The following PUDP variants were observed in gnomAD, a reference collection of about 807,000 sequenced individuals.
PUDP encodes the protein pseudouridine 5'-phosphatase.
A neutral mutation model predicts 9.4 loss-of-function variants in PUDP; 8 were observed. The observed-to-expected ratio is 0.85, with a 90% confidence interval of 0.50 to 1.53. The LOEUF is 1.53. Ranked by LOEUF, PUDP falls within the 40% of genes most tolerant of loss-of-function variation. The pLI is 0.00. For missense variants in PUDP, 188 were observed against 189.7 expected (o/e 0.99, Z 0.05); for synonymous variants, 99 against 80.7 (o/e 1.23, Z -1.22).
intron 3 of PUDP, among the ~76,000 whole-genome samples, chrX:6,831,238 G>A (rs941234772): frequency 5.3e-5 from 6 of 112,160 alleles, no homozygotes; most frequent in African/African-American, 1.9e-4. Flanking sequence ...CAATAGTGAT[G>A]TTATTCCCAG....
At chrX:6,719,736 G>A (rs1924639266) in intron 1 of PUDP, among the ~76,000 whole-genome samples, 1 of 111,902 alleles carries the variant, frequency 8.9e-6, no homozygotes. Flanking sequence ...CAAATCACTA[G>A]TGCATGAGTT....
chrX:6,923,691 A>T (rs1928058319), intron 3 of PUDP, among the ~76,000 whole-genome samples: 1 of 111,047 alleles, frequency 9.0e-6, no homozygotes, highest in Admixed American at 9.6e-5. Flanking sequence ...GTGTCTCCTG[A>T]GTGGTCTCTG....
intron 3 of PUDP, among the ~76,000 whole-genome samples, chrX:6,859,328 G>A (rs755379751): frequency 9.0e-6 from 1 of 111,715 alleles, no homozygotes; most frequent in Admixed American, 9.5e-5. Context: ...ATAACAGTGG[G>A]AGAAACCTGA....
At position 6,739,911 on chromosome X, in the gene PUDP, C is replaced by T. The variant is rs762839978; in HGVS notation, c.*248-33445G>A. Among the ~76,000 whole-genome samples the T allele has an allele frequency of 3.6e-5, 4 of 112,045 alleles. No homozygotes were observed. The South Asian group carries it at 1.5e-3, about 41-fold the overall frequency. ...GAACCTGGGAATAGGCAGTGCCCAA[C>T]TGATGCTCTTCTCATTTATTTATTA... On this transcript the variant is annotated intron_variant and NMD_transcript_variant, in intron 3 of 3. Coordinates refer to the PUDP transcript ENST00000655425.
chrX:6,708,127 G>C (rs940712821), intron 1 of PUDP, among the ~76,000 whole-genome samples: 2 of 111,451 alleles, frequency 1.8e-5, no homozygotes, highest in African/African-American at 6.5e-5. Context: ...TCAAAACAAG[G>C]ACCAACCAAG....
chrX:6,724,559 G>GA (rs1924718294), upstream of PUDP, among the ~76,000 whole-genome samples: 1 of 107,992 alleles, frequency 9.3e-6, no homozygotes, highest in Admixed American at 1.0e-4. Context: ...ACAAAAGTAG[G>GA]AAAATCCTGC....
intron 1 of PUDP, among the ~76,000 whole-genome samples, chrX:7,146,134 G>C (rs1245072503): frequency 9.0e-6 from 1 of 111,032 alleles, no homozygotes; most frequent in Non-Finnish European, 1.9e-5. Context: ...AGAAAATGAG[G>C]GGGGGGAATA....
intron 3 of PUDP, among the ~76,000 whole-genome samples, chrX:6,919,580 A>C (rs1461152058): frequency 9.1e-6 from 1 of 110,353 alleles, no homozygotes; most frequent in East Asian, 2.9e-4. Context: ...GAGAATCCAT[A>C]AAAAAGCACA....
intron 3 of PUDP, among the ~76,000 whole-genome samples, chrX:6,868,637 T>C (rs992197083): frequency 8.9e-5 from 10 of 112,615 alleles, no homozygotes; most frequent in African/African-American, 3.2e-4. Flanking sequence ...TTCTAGAAAG[T>C]CTTTCTGTTC....
intron 3 of PUDP, among the ~76,000 whole-genome samples, chrX:6,794,946 CTG>C (rs1925818746): frequency 1.0e-5 from 1 of 98,893 alleles, no homozygotes; most frequent in African/African-American, 3.8e-5. Flanking sequence ...TAGCTTTTGA[CTG>C]TTTTATAAAA....
chrX:6,857,938 C>T (rs1389886068), intron 3 of PUDP, among the ~76,000 whole-genome samples: 1 of 111,624 alleles, frequency 9.0e-6, no homozygotes, highest in Non-Finnish European at 1.9e-5. Flanking sequence ...TTGGAATTTC[C>T]TGAGAGAATT....
At chrX:6,723,017 C>T (rs186761760), upstream of PUDP, among the ~76,000 whole-genome samples, 251 of 110,581 alleles carry the variant, frequency 2.3e-3, no homozygotes, top group African/African-American at 8.1e-3. Flanking sequence ...GCAAATGTAC[C>T]TCATTGTGAT....
chrX:6,715,029 A>G (rs1325367580), intron 1 of PUDP, among the ~76,000 whole-genome samples: 1 of 108,937 alleles, frequency 9.2e-6, no homozygotes, highest in Non-Finnish European at 1.9e-5. Context: ...ATATTTTATA[A>G]GGACATACAT....
At chrX:7,118,631 T>C (rs930339713) in intron 1 of PUDP, among the ~76,000 whole-genome samples, 4 of 112,118 alleles carry the variant, frequency 3.6e-5, no homozygotes, top group African/African-American at 1.3e-4. Context: ...TAAAATTGAC[T>C]TTCCCCTTAA....
chrX:6,802,977 TATAAA>T (rs1387386885), intron 3 of PUDP, among the ~76,000 whole-genome samples: 36 of 8,770 alleles, frequency 4.1e-3, no homozygotes, highest in Admixed American at 0.011. Flanking sequence ...AAAATAAAAA[TATAAA>T]ATAAAATAAA....
chrX:6,814,458 G>A (rs1307459103), intron 3 of PUDP, among the ~76,000 whole-genome samples: 1 of 110,500 alleles, frequency 9.0e-6, no homozygotes, highest in Non-Finnish European at 1.9e-5. Flanking sequence ...AGTTAGGAGG[G>A]GTGGGGGTTC....
intron 3 of PUDP, among the ~76,000 whole-genome samples, chrX:6,888,015 T>A (rs1005739327): frequency 3.6e-5 from 4 of 111,757 alleles, no homozygotes; most frequent in African/African-American, 1.3e-4. Context: ...CCATCTATAG[T>A]CAGTCCTCTG....
chrX:6,898,916 G>C (rs148175683), intron 3 of PUDP, among the ~76,000 whole-genome samples: 5,511 of 111,352 alleles, frequency 0.049, 143 homozygotes, highest in East Asian at 0.15. Flanking sequence ...TTCAGTATAA[G>C]AGTCCAGGGT....
intron 2 of PUDP, among the ~76,000 whole-genome samples, chrX:7,100,342 C>T (rs1349966120): frequency 2.7e-5 from 3 of 111,238 alleles, no homozygotes; most frequent in African/African-American, 9.8e-5. Flanking sequence ...CTACCATTCA[C>T]TCCGGCAATT....
Sources: gnomAD v4.1 joint callset for allele counts (sites outside exome capture counted in the v4.1 genomes callset) on GRCh38, gnomAD v4.1.1 for gene constraint, MANE v1.5 for transcripts, NCBI Gene and HGNC (gene_info 2026-07-23, HGNC 2026-07-21) for gene names.